The following ANKRD31 variants were observed in gnomAD, a reference collection of about 807,000 sequenced individuals.
ANKRD31 encodes the protein ankyrin repeat domain 31.
Under a neutral mutation model 186.0 loss-of-function variants are expected in ANKRD31, and 147 were observed. That is an observed-to-expected ratio of 0.79 (90% confidence interval 0.69 to 0.91). The LOEUF (loss-of-function observed/expected upper bound fraction) is 0.91, where lower values mean the gene tolerates loss of function less well. ANKRD31 is among the 40% of genes least tolerant of loss of function. The probability of loss-of-function intolerance (pLI) is 0.00; values close to 1 mark genes in which losing one functional copy is unlikely to be tolerated. For missense variants in ANKRD31, 1,986 were observed against 2,148.8 expected, an observed-to-expected ratio of 0.92 and a Z score of 1.50; for synonymous variants, 673 against 736.4, an observed-to-expected ratio of 0.91 and a Z score of 1.39.
Position 75,236,717 on chromosome 5 carries a change from C to T in ANKRD31, c.-31G>A, listed in dbSNP as rs970883239. On this transcript the variant is annotated 5_prime_UTR_variant, in exon 1 of 26. Transcript: ENST00000506364. ...CCTCACATTCAAAGTCTTTTTTACC[C>T]TCCTCTAACTCCCTCTTGCCCGCAA... The T allele has an allele frequency of 1.3e-6, 2 of 1,494,972 alleles. No homozygotes were observed. Among genetic ancestry groups the T allele is most frequent in the Non-Finnish European group, 1.8e-6 (2 of 1,115,464 alleles). 92.6% of individuals were successfully genotyped at this position (1,494,972 alleles called of 1,614,324 possible).
intron 3 of ANKRD31, among the ~76,000 whole-genome samples, chr5:75,214,770 T>C (rs906033138): frequency 6.6e-6 from 1 of 152,130 alleles, no homozygotes; most frequent in Non-Finnish European, 1.5e-5. Flanking sequence ...CTCAGATAAA[T>C]AGTCCTGAGG....
At chr5:75,069,370 C>T (rs1744026853) in intron 25 of ANKRD31, among the ~76,000 whole-genome samples, 1 of 151,966 alleles carries the variant, frequency 6.6e-6, no homozygotes, top group South Asian at 2.1e-4. Flanking sequence ...TGAGTGTCAC[C>T]TCTGTATGGC....
chr5:75,210,136 T>TTTCCTTCC (rs751811448), intron 4 of ANKRD31, among the ~76,000 whole-genome samples: 2 of 152,210 alleles, frequency 1.3e-5, no homozygotes, highest in East Asian at 3.9e-4. Flanking sequence ...GGACAGTTTC[T>TTTCCTTCC]TTCCTTCCTT....
At chr5:75,119,987 T>C (rs76858296) in intron 17 of ANKRD31, among the ~76,000 whole-genome samples, 3,968 of 152,264 alleles carry the variant, frequency 0.026, 157 homozygotes, top group African/African-American at 0.09. Context: ...GGATGTGATA[T>C]TTTGGGGAGA....
intron 14 of ANKRD31, among the ~76,000 whole-genome samples, chr5:75,144,889 A>T (rs1369289461): frequency 2.0e-5 from 3 of 152,214 alleles, no homozygotes; most frequent in African/African-American, 7.2e-5. Context: ...GAACAAATTT[A>T]CAAGAAAAAA....
intron 10 of ANKRD31, among the ~76,000 whole-genome samples, chr5:75,178,687 G>A (rs1333980457): frequency 1.3e-5 from 2 of 152,116 alleles, no homozygotes; most frequent in East Asian, 1.9e-4. Context: ...TGAAACCAAC[G>A]AGAACAAAGA....
At chr5:75,086,953 A>G (rs1745539518) in intron 23 of ANKRD31, among the ~76,000 whole-genome samples, 1 of 152,220 alleles carries the variant, frequency 6.6e-6, no homozygotes, top group Non-Finnish European at 1.5e-5. Flanking sequence ...AGTATTCTGG[A>G]AATGTAGTTA....
rs140014408 is a variant in ANKRD31 at position 75,108,194 on chromosome 5, T to C, written c.4244-577A>G. Among the ~76,000 whole-genome samples, 597 of 152,022 alleles carry C rather than the reference T, an allele frequency of 3.9e-3. 3 individuals are homozygous for C. The highest frequency in any genetic ancestry group is 0.011 in the South Asian group (55 of 4,826). On this transcript the variant is annotated intron_variant, in intron 20 of 25. Coordinates refer to ENST00000506364, the MANE Select transcript of ANKRD31 (RefSeq NM_001372053.1). ...ACACTATATATAATTATACATTATATGCACTTAAAAAATAGAATTTTTTAA... is the reference window on the plus strand; with the variant it reads ...ACACTATATATAATTATACATTATACGCACTTAAAAAATAGAATTTTTTAA...
At chr5:75,223,133 A>T (rs916936697) in intron 2 of ANKRD31, among the ~76,000 whole-genome samples, 3 of 152,146 alleles carry the variant, frequency 2.0e-5, no homozygotes, top group African/African-American at 7.2e-5. Flanking sequence ...AATAATCACC[A>T]TTCTGACAGG....
At chr5:75,115,812 G>C (rs1748191901) in intron 19 of ANKRD31, among the ~76,000 whole-genome samples, 1 of 151,724 alleles carries the variant, frequency 6.6e-6, no homozygotes, top group African/African-American at 2.4e-5. Context: ...CTCTTGGTGG[G>C]ACTGTAAACT....
intron 11 of ANKRD31, among the ~76,000 whole-genome samples, chr5:75,158,539 G>A (rs1752351799): frequency 6.6e-6 from 1 of 152,122 alleles, no homozygotes; most frequent in African/African-American, 2.4e-5. Context: ...GCTTTGGGAG[G>A]CCAAGGCAGG....
intron 17 of ANKRD31, among the ~76,000 whole-genome samples, 195 bp from the exon 18 acceptor site, chr5:75,118,492 G>T (rs1477938): frequency 6.6e-6 from 1 of 151,998 alleles, no homozygotes; most frequent in Non-Finnish European, 1.5e-5. Context: ...CCTCACAAGA[G>T]AACCAAACAC....
intron 10 of ANKRD31, among the ~76,000 whole-genome samples, chr5:75,169,899 T>C (rs1237957122): frequency 6.6e-6 from 1 of 152,062 alleles, no homozygotes; most frequent in East Asian, 1.9e-4. Context: ...CCTATCCTAG[T>C]TCTAACAACT....
intron 15 of ANKRD31, among the ~76,000 whole-genome samples, chr5:75,140,112 G>A (rs2150133059): frequency 6.6e-6 from 1 of 152,032 alleles, no homozygotes; most frequent in South Asian, 2.1e-4. Flanking sequence ...ACTGAGGGAG[G>A]AGAATCATTA....
At chr5:75,145,447 T>C (rs1751366388) in intron 14 of ANKRD31, among the ~76,000 whole-genome samples, 1 of 152,044 alleles carries the variant, frequency 6.6e-6, no homozygotes, top group Non-Finnish European at 1.5e-5. Context: ...GGGACATGAA[T>C]GAAGCTGGAA....
At chr5:75,152,816 C>T (rs1041147085) in intron 12 of ANKRD31, among the ~76,000 whole-genome samples, 1 of 151,822 alleles carries the variant, frequency 6.6e-6, no homozygotes, top group African/African-American at 2.4e-5. Flanking sequence ...AATGTCTAAG[C>T]AGAGCAGGGT....
intron 24 of ANKRD31, among the ~76,000 whole-genome samples, chr5:75,082,104 C>T (rs939222374): frequency 2.0e-5 from 3 of 152,150 alleles, no homozygotes; most frequent in Non-Finnish European, 4.4e-5. Context: ...ATTAATATTA[C>T]CAGTTATTAA....
chr5:75,099,837 C>T (rs537923450), intron 22 of ANKRD31, among the ~76,000 whole-genome samples: 74 of 152,072 alleles, frequency 4.9e-4, no homozygotes, highest in Middle Eastern at 3.4e-3. Flanking sequence ...GTCTTGCTAG[C>T]GGTCTATCAA....
Position 75,138,014 on chromosome 5 carries a change from GAAAA to G in ANKRD31, c.3734-20_3734-17del. 1 of 1,262,684 alleles carries G rather than the reference GAAAA, an allele frequency of 7.9e-7. No individual in the cohort carries two copies. The highest frequency in any genetic ancestry group is 2.2e-4 in the Middle Eastern group (1 of 4,622). The allele number at this position is 1,262,684 out of a possible 1,614,324, so 78.2% of individuals were successfully genotyped here. ...GGTGTCCAACCTAAAAAAAGAAAAA[GAAAA>G]AAAAAAACCCTGCTTCATGCGAATC... On this transcript the variant is annotated splice_polypyrimidine_tract_variant and intron_variant, in intron 16 of 25. Transcript: ENST00000506364.
Sources: allele counts gnomAD v4.1 joint callset (sites outside exome capture counted in the v4.1 genomes callset), GRCh38; gene constraint gnomAD v4.1.1; transcripts MANE v1.5; gene names NCBI Gene and HGNC (gene_info 2026-07-23, HGNC 2026-07-21).